TSPAN11: variants seen among roughly 807,000 people sequenced by gnomAD.
The protein encoded by TSPAN11 is tetraspanin-11.
TSPAN11 carries 29 observed loss-of-function variants against 32.9 expected under a neutral mutation model. The ratio of observed to expected loss-of-function variants is 0.88; its 90% CI spans 0.66 to 1.20. The LOEUF is 1.20. TSPAN11 is among the 50% of genes most tolerant of loss of function. TSPAN11 has a pLI of 0.00. For missense variants in TSPAN11, 283 were observed against 329.1 expected, an observed-to-expected ratio of 0.86 and a Z score of 1.08; for synonymous variants, 140 against 141.3, an observed-to-expected ratio of 0.99 and a Z score of 0.07.
At chr12:30,982,140 C>A (rs1939104323) in intron 5 of TSPAN11, among the ~76,000 whole-genome samples, 1 of 152,188 alleles carries the variant, frequency 6.6e-6, no homozygotes, top group Non-Finnish European at 1.5e-5. Flanking sequence ...CGTCCTGACC[C>A]CTGGGTGACC....
rs192750561 is a variant in TSPAN11 at position 30,942,890 on chromosome 12, A to G, written c.-11-11091A>G. Among the ~76,000 whole-genome samples the G allele has an allele frequency of 7.2e-5, 11 of 152,304 alleles. No homozygotes were observed. In the East Asian group the frequency reaches 2.1e-3, roughly 29 times the overall value. Reference sequence around the variant, plus strand: ...AATCTGACCCTAAGTTTGGTCCAAAAGAGTTGCCTGAATTCATTTACCTGC... The same window carrying G: ...AATCTGACCCTAAGTTTGGTCCAAAGGAGTTGCCTGAATTCATTTACCTGC... On this transcript the variant is annotated intron_variant, in intron 1 of 7. Transcript: ENST00000546076.
chr12:30,968,991 G>A (rs1938793853), intron 3 of TSPAN11, among the ~76,000 whole-genome samples: 1 of 152,160 alleles, frequency 6.6e-6, no homozygotes, highest in Non-Finnish European at 1.5e-5. Context: ...TGATGTGTGA[G>A]GATAACGAAG....
chr12:30,964,343 C>A (rs1938683630), intron 3 of TSPAN11, among the ~76,000 whole-genome samples: 2 of 151,510 alleles, frequency 1.3e-5, no homozygotes, highest in African/African-American at 2.4e-5. Context: ...TCTCCTTCTC[C>A]TATTCTGTAC....
the TSPAN11 span, among the ~76,000 whole-genome samples, chr12:31,009,926 A>G: frequency 2.0e-5 from 3 of 152,210 alleles, no homozygotes; most frequent in Non-Finnish European, 4.4e-5. Context: ...CTGCTCTTCT[A>G]TTTAGTCCTC....
At chr12:30,988,687 G>A (rs1939252284) in intron 7 of TSPAN11, 1 of 152,178 alleles carries the variant, frequency 6.6e-6, no homozygotes, top group African/African-American at 2.4e-5. Context: ...CTGTGCACGG[G>A]TATTTTTAAG....
chr12:30,978,910 A>C, intron 4 of TSPAN11: 2 of 484,410 alleles, frequency 4.1e-6, no homozygotes, highest in Non-Finnish European at 7.4e-6. Context: ...CCTTCCAAGA[A>C]TGGTCTAGAG....
rs1939325387 is a variant in TSPAN11, at chr12:30,992,076, C to CTAT, written c.*162_*163insATT. 8 of 595,212 alleles carry CTAT rather than the reference C, an allele frequency of 1.3e-5. No individual in the cohort carries two copies. Among genetic ancestry groups the CTAT allele is most frequent in the South Asian group, 1.1e-4 (6 of 55,462 alleles). The allele number at this position is 595,212 out of a possible 1,614,324, so 36.9% of individuals were successfully genotyped here. A position where few individuals can be genotyped will look rare whatever the true frequency, so the allele number is the denominator to read the frequency against. On this transcript the variant is annotated 3_prime_UTR_variant, in exon 8 of 8. Transcript: ENST00000546076. ...CACCGAGTGCCTGAGACCATAGCTT[C>CTAT]TGTGCCCACCCAGGCAGAGACCCTC... is the stretch of plus-strand genomic sequence containing the variant.
At chr12:30,958,943 G>T (rs1480845182) in intron 2 of TSPAN11, among the ~76,000 whole-genome samples, 1 of 152,174 alleles carries the variant, frequency 6.6e-6, no homozygotes, top group Non-Finnish European at 1.5e-5. Context: ...CTTTCCAGGA[G>T]CCTCTTCTTA....
chr12:31,012,938 G>A, the TSPAN11 span, among the ~76,000 whole-genome samples: 1 of 152,190 alleles, frequency 6.6e-6, no homozygotes, highest in Non-Finnish European at 1.5e-5. Context: ...TTTCTTGTTA[G>A]TTACCACATC....
intron 7 of TSPAN11, among the ~76,000 whole-genome samples, chr12:30,984,901 T>C (rs1939171031): frequency 6.6e-6 from 1 of 152,032 alleles, no homozygotes; most frequent in African/African-American, 2.4e-5. Flanking sequence ...CCCAGAGAGG[T>C]GACTTACCCA....
At chr12:30,928,821 C>T (rs567311781) in intron 1 of TSPAN11, among the ~76,000 whole-genome samples, 1 of 152,302 alleles carries the variant, frequency 6.6e-6, no homozygotes, top group South Asian at 2.1e-4. Context: ...GCCATGATCA[C>T]ATCATTGTTC....
intron 3 of TSPAN11, among the ~76,000 whole-genome samples, chr12:30,966,516 A>ATT (rs1938736362): frequency 1.3e-5 from 2 of 152,220 alleles, no homozygotes; most frequent in Non-Finnish European, 2.9e-5. Flanking sequence ...AAGAGGTCAT[A>ATT]TTCACCCCCA....
chr12:30,952,707 G>A lies in TSPAN11; in HGVS notation c.-11-1274G>A, dbSNP rs574657921. On this transcript the variant is annotated intron_variant, in intron 1 of 7. Coordinates refer to ENST00000546076, the MANE Select transcript of TSPAN11 (RefSeq NM_001370302.1). ...CAGTTGGGGGTTGGAAATAATGGAG[G>A]AAGAGATGGAAATGCTAAATTCCCC... Among the ~76,000 whole-genome samples the A allele has an allele frequency of 3.3e-5, 5 of 152,248 alleles. No individual in the cohort carries two copies. The South Asian group carries it at 8.3e-4, about 25-fold the overall frequency.
At chr12:30,978,404 G>C in intron 3 of TSPAN11, 157 bp from the exon 4 acceptor site, 1 of 694,858 alleles carries the variant, frequency 1.4e-6, no homozygotes, top group Non-Finnish European at 2.5e-6. Context: ...GGGGAACTTG[G>C]TGCCAGCAGC....
At chr12:30,961,009 AGACTAGGC>A (rs1364174085) in intron 2 of TSPAN11, among the ~76,000 whole-genome samples, 2 of 149,750 alleles carry the variant, frequency 1.3e-5, no homozygotes, top group Non-Finnish European at 3.0e-5. Context: ...ACTGTACTCC[AGACTAGGC>A]GACAGAGCGA....
intron 2 of TSPAN11, 40 bp from the exon 3 acceptor site, chr12:30,963,786 C>A: frequency 6.3e-7 from 1 of 1,584,962 alleles, no homozygotes; most frequent in South Asian, 1.1e-5. Flanking sequence ...GCTGCCGAGG[C>A]CCCCGCCACC....
rs371179414 is a variant in TSPAN11, at chr12:30,982,575, G to T, written c.500G>T (p.Ser167Ile). 1.9e-6 allele frequency: 3 copies of T among 1,612,884 alleles called. No individual in the cohort carries two copies. Among genetic ancestry groups the T allele is most frequent in the Non-Finnish European group, 2.5e-6 (3 of 1,179,668 alleles). ...AACAGCTCAGCCGACTGGCAGCACA[G>T]CACGTACATCCTGTTGCGGGAGGCC... ...GSNSSADWQHSTYILLREAEG... is the reference protein window; with the variant it reads ...GSNSSADWQHITYILLREAEG... Residue 167 changes from serine to isoleucine, a missense_variant, in exon 6 of 8, where the codon AGC becomes ATC. Ser to Ile is a moderately radical substitution (Grantham distance 142, BLOSUM62 -2). Coordinates refer to ENST00000546076, the MANE Select transcript of TSPAN11 (RefSeq NM_001370302.1).
At chr12:30,961,277 G>A (rs1210384184) in intron 2 of TSPAN11, among the ~76,000 whole-genome samples, 1 of 151,826 alleles carries the variant, frequency 6.6e-6, no homozygotes, top group African/African-American at 2.4e-5. Flanking sequence ...CTTGCCGGAG[G>A]TTCTTTGACA....
intron 2 of TSPAN11, among the ~76,000 whole-genome samples, chr12:30,959,814 G>A (rs1019810339): frequency 2.6e-5 from 4 of 151,416 alleles, no homozygotes; most frequent in Admixed American, 1.3e-4. Flanking sequence ...GGTGTGGGGG[G>A]AAGAAAGTAC....
Sources: allele counts gnomAD v4.1 joint callset (sites outside exome capture counted in the v4.1 genomes callset), GRCh38; gene constraint gnomAD v4.1.1; transcripts MANE v1.5; gene names NCBI Gene and HGNC (gene_info 2026-07-23, HGNC 2026-07-21).